GTPBP6: variants seen among roughly 807,000 people sequenced by gnomAD.
GTPBP6 encodes the protein putative GTP-binding protein 6.
GTPBP6 carries 33 observed loss-of-function variants against 28.9 expected under a neutral mutation model. The ratio of observed to expected loss-of-function variants is 1.14; its 90% CI spans 0.87 to 1.53. The LOEUF is 1.53. Ranked by LOEUF, GTPBP6 falls within the 40% of genes most tolerant of loss-of-function variation. The pLI is 0.00. For synonymous variants in GTPBP6, 231 were observed against 192.7 expected (o/e 1.20, Z -1.65); for missense variants, 507 against 408.3 (o/e 1.24, Z -2.08).
Position 315,317 on chromosome X carries a change from T to TC in GTPBP6, c.488-19dup. On this transcript the variant is annotated intron_variant, in intron 2 of 9. Transcript: ENST00000326153. ...GATCTTTTCTAACAGAAAGAGGGGG[T>TC]CCCGTCAGAGGCTGGCCGTCCACAC... 1 of 398,020 alleles carries TC rather than the reference T, an allele frequency of 2.5e-6. No individual in the cohort carries two copies. The allele number at this position is 398,020 out of a possible 1,614,324, so 24.7% of individuals were successfully genotyped here.
exon 8 of GTPBP6, chrX:307,877 G>T: frequency 6.6e-7 from 1 of 1,522,308 alleles, no homozygotes; most frequent in Non-Finnish European, 8.8e-7. Flanking sequence ...TGCAAGATGA[G>T]ATCCTGTGGG....
chrX:311,237 T>C (rs778877388), intron 7 of GTPBP6, among the ~76,000 whole-genome samples, 182 bp downstream of exon 7: 3,106 of 80,334 alleles, frequency 0.039, 276 homozygotes, highest in African/African-American at 0.13. Flanking sequence ...TCTGAGTGCC[T>C]GGTCCCCGTG....
At chrX:305,324 G>GTTTTT in intron 9 of GTPBP6, 127 bp from the exon 10 acceptor site, 22 of 601,450 alleles carry the variant, frequency 3.7e-5, no homozygotes, top group African/African-American at 2.5e-4. Flanking sequence ...GTTTCCTTTT[G>GTTTTT]TTTTTTTTTT....
At chrX:317,821 C>A (rs2070468444) in intron 1 of GTPBP6, among the ~76,000 whole-genome samples, 1 of 147,408 alleles carries the variant, frequency 6.8e-6, no homozygotes. Flanking sequence ...CCCCCGAAGC[C>A]CCGCCCACGC....
At chrX:313,107 G>A (rs764260674) in intron 5 of GTPBP6, among the ~76,000 whole-genome samples, 183 bp from the exon 6 acceptor site, 12 of 152,336 alleles carry the variant, frequency 7.9e-5, no homozygotes, top group Admixed American at 2.0e-4. Flanking sequence ...TCTGCTCGGC[G>A]GAACGGGATC....
At chrX:307,663 G>C in intron 8 of GTPBP6, 69 bp downstream of exon 8, 2 of 1,425,058 alleles carry the variant, frequency 1.4e-6, no homozygotes, top group Non-Finnish European at 1.9e-6. Context: ...AGGAGACGGG[G>C]CATCTCCCCA....
rs751575195 is a variant in GTPBP6 at position 314,173 on chromosome X, C to T, written c.734G>A (p.Gly245Asp). The T allele has an allele frequency of 4.3e-6, 7 of 1,612,918 alleles. No homozygotes were observed. The Admixed American group carries it at 1.0e-4, about 23-fold the overall frequency. Residue 245 changes from glycine to aspartate, a missense_variant, in exon 5 of 10, where the codon GGC (glycine) becomes GAC (aspartate). Gly to Asp is a moderately conservative substitution (Grantham distance 94). Transcript: ENST00000326153. ...ACCTGACCCCATGATGTAGCGCGAG[C>T]CGACTCCTCGGTACAGGTGGGCGAC...
chrX:314,828 C>T, intron 4 of GTPBP6, 62 bp downstream of exon 4: 1 of 402,592 alleles, frequency 2.5e-6, no homozygotes, highest in East Asian at 3.5e-5. Flanking sequence ...CAGGTGACTA[C>T]AGAACGGAGG....
chrX:311,621 G>A, exon 7 of GTPBP6: 1 of 1,611,494 alleles, frequency 6.2e-7, no homozygotes, highest in East Asian at 2.2e-5. Flanking sequence ...GATCAGCGTG[G>A]TCTTTCCTAG....
chrX:311,955 G>C (rs982305631), intron 6 of GTPBP6: 2 of 567,648 alleles, frequency 3.5e-6, no homozygotes, highest in African/African-American at 3.7e-5. Context: ...GTGTAGGTGG[G>C]GTGGTGGTGC....
chrX:305,131 C>G (rs754550584), exon 10 of GTPBP6: 6 of 1,613,438 alleles, frequency 3.7e-6, no homozygotes, highest in African/African-American at 1.3e-5. Context: ...TGATGACCCT[C>G]ACGTCGGCCG....
At chrX:311,480 G>A in exon 7 of GTPBP6, 1 of 1,612,334 alleles carries the variant, frequency 6.2e-7, no homozygotes, top group Non-Finnish European at 8.5e-7. Context: ...CGGCAGCTGG[G>A]AGAGGAAGCC....
chrX:311,515 C>A, exon 7 of GTPBP6: 2 of 1,612,324 alleles, frequency 1.2e-6, no homozygotes, highest in Middle Eastern at 3.9e-4. Flanking sequence ...ACAGGACGGT[C>A]ATGCGTGAGG....
Position 308,239 on chromosome X carries a change from C to T in GTPBP6, c.1126-359G>A, listed in dbSNP as rs1374883647. ...CCTCCTGTGAAATGTCTTTTAACAG[C>T]GGAATTATTTCCTCTTTAAAGGATG... On this transcript the variant is annotated intron_variant, in intron 7 of 9. Transcript: ENST00000326153. Among the ~76,000 whole-genome samples, 3 of 152,046 alleles carry T rather than the reference C, an allele frequency of 2.0e-5. 1 individual carries two copies. The highest frequency in any genetic ancestry group is 2.0e-4 in the Admixed American group (3 of 15,248).
chrX:313,651 T>G (rs769196460), intron 5 of GTPBP6, among the ~76,000 whole-genome samples: 15 of 152,012 alleles, frequency 9.9e-5, no homozygotes, highest in Admixed American at 1.3e-4. Flanking sequence ...TGCAATGACA[T>G]GTGTCCTTGT....
At chrX:305,861 T>G (rs913780779) in intron 9 of GTPBP6, among the ~76,000 whole-genome samples, 1 of 152,182 alleles carries the variant, frequency 6.6e-6, no homozygotes, top group African/African-American at 2.4e-5. Context: ...CCTGACCTTG[T>G]GGTCCGCCCA....
At chrX:313,920 C>A (rs2070368043) in intron 5 of GTPBP6, among the ~76,000 whole-genome samples, 1 of 119,242 alleles carries the variant, frequency 8.4e-6, no homozygotes, top group Admixed American at 8.2e-5. Flanking sequence ...CTCCAAAAAC[C>A]ACCAGCATCT....
At chrX:314,549 T>A (rs1310806369) in intron 4 of GTPBP6, among the ~76,000 whole-genome samples, 1 of 151,488 alleles carries the variant, frequency 6.6e-6, no homozygotes, top group African/African-American at 2.4e-5. Flanking sequence ...CTCGGCTCAC[T>A]GCAAGCTCCA....
At position 312,933 on chromosome X, in the gene GTPBP6, C is replaced by T. The variant is rs1256028072; in HGVS notation, c.758-9G>A. ...CTGCATGAAGGATTCTCCTAAAAGA[C>T]ACCCGAGATGGTGAGGCGGTGAGCC... On this transcript the variant is annotated splice_polypyrimidine_tract_variant and intron_variant, in intron 5 of 9. Coordinates refer to ENST00000326153, the Ensembl canonical transcript of GTPBP6. 6.2e-7 allele frequency: 1 copy of T among 1,607,612 alleles called. No individual in the cohort carries two copies. The highest frequency in any genetic ancestry group is 8.5e-7 in the Non-Finnish European group (1 of 1,176,306).
Sources: allele counts gnomAD v4.1 joint callset (sites outside exome capture counted in the v4.1 genomes callset), GRCh38; gene constraint gnomAD v4.1.1; transcripts MANE v1.5; gene names NCBI Gene and HGNC (gene_info 2026-07-23, HGNC 2026-07-21).